THSD4: variants seen among roughly 807,000 people sequenced by gnomAD.
THSD4 encodes thrombospondin type-1 domain-containing protein 4.
THSD4 carries 69 observed loss-of-function variants against 119.0 expected under a neutral mutation model. The ratio of observed to expected loss-of-function variants is 0.58; its 90% confidence interval spans 0.48 to 0.71. The LOEUF (loss-of-function observed/expected upper bound fraction) is 0.71, where lower values mean the gene tolerates loss of function less well. Ranked by LOEUF, THSD4 falls within the 30% of genes least tolerant of loss-of-function variation. THSD4 has a pLI of 0.00. For synonymous variants in THSD4, 524 were observed against 540.4 expected (o/e 0.97, Z 0.42); for missense variants, 1,393 against 1,391.1 (o/e 1.00, Z -0.02).
At chr15:71,496,310 T>C (rs1266346710) in intron 7 of THSD4, among the ~76,000 whole-genome samples, 11 of 152,242 alleles carry the variant, frequency 7.2e-5, no homozygotes. Context: ...GGATGAATTA[T>C]TATGTTACTG....
chr15:71,114,924 C>T (rs912309207), upstream of THSD4: 6 of 152,270 alleles, frequency 3.9e-5, no homozygotes, highest in East Asian at 3.9e-4. Context: ...CGCGTCCTAC[C>T]TTGCGTGGGA....
intron 6 of THSD4, among the ~76,000 whole-genome samples, chr15:71,326,692 AAAAAAAAAATAT>A (rs1301109676): frequency 1.3e-3 from 17 of 13,522 alleles, no homozygotes; most frequent in Non-Finnish European, 1.7e-3. Context: ...AAAAAAAAAA[AAAAAAAAAATAT>A]ATATATATAT....
At chr15:71,529,709 C>T (rs1260952158) in intron 7 of THSD4, among the ~76,000 whole-genome samples, 3 of 152,190 alleles carry the variant, frequency 2.0e-5, no homozygotes, top group East Asian at 3.8e-4. Flanking sequence ...ATTTGTCTAA[C>T]GTATCCTATA....
At chr15:71,509,535 A>G (rs527848091) in intron 7 of THSD4, among the ~76,000 whole-genome samples, 19 of 152,378 alleles carry the variant, frequency 1.2e-4, no homozygotes, top group Admixed American at 1.2e-3. Flanking sequence ...ACAATGGTAG[A>G]TGAGCAGCAA....
At chr15:71,517,757 A>G (rs2048381347) in intron 7 of THSD4, among the ~76,000 whole-genome samples, 1 of 152,350 alleles carries the variant, frequency 6.6e-6, no homozygotes. Context: ...TTAAAGAACA[A>G]GAGAATTTTT....
chr15:71,619,531 A>G (rs888850531), intron 7 of THSD4, among the ~76,000 whole-genome samples: 1 of 152,320 alleles, frequency 6.6e-6, no homozygotes, highest in Non-Finnish European at 1.5e-5. Context: ...CTAAGATTCC[A>G]TAAATCCTTG....
chr15:71,511,992 C>G (rs1183900726), intron 7 of THSD4, among the ~76,000 whole-genome samples: 1 of 152,160 alleles, frequency 6.6e-6, no homozygotes, highest in African/African-American at 2.4e-5. Flanking sequence ...CTGTTTGGGC[C>G]ATCTAGGCAA....
At chr15:71,738,360 G>A in intron 11 of THSD4, 1 of 222,548 alleles carries the variant, frequency 4.5e-6, no homozygotes, top group Non-Finnish European at 8.9e-6. Context: ...ATGGACTGGT[G>A]TCGATTGGGG....
chr15:71,396,679 C>A (rs1363460338), intron 6 of THSD4, among the ~76,000 whole-genome samples: 1 of 152,202 alleles, frequency 6.6e-6, no homozygotes, highest in Non-Finnish European at 1.5e-5. Flanking sequence ...TGTCAAGCCG[C>A]TTTCTTGACA....
intron 17 of THSD4, among the ~76,000 whole-genome samples, chr15:71,776,846 G>A (rs1324469566): frequency 6.6e-6 from 1 of 152,196 alleles, no homozygotes; most frequent in Admixed American, 6.5e-5. Flanking sequence ...TTGCCAAGGA[G>A]CTTATACAGT....
At chr15:71,537,456 C>T (rs1039477907) in intron 7 of THSD4, among the ~76,000 whole-genome samples, 4 of 152,154 alleles carry the variant, frequency 2.6e-5, no homozygotes, top group South Asian at 4.1e-4. Context: ...AGCCATACCC[C>T]CTTCCTCTCA....
At chr15:71,491,034 G>A (rs2047911034) in intron 7 of THSD4, among the ~76,000 whole-genome samples, 1 of 152,126 alleles carries the variant, frequency 6.6e-6, no homozygotes, top group Non-Finnish European at 1.5e-5. Context: ...TCATTTTTGT[G>A]TGCATGTATG....
chr15:71,261,415 A>G (rs2044397932), intron 6 of THSD4, among the ~76,000 whole-genome samples: 1 of 152,156 alleles, frequency 6.6e-6, no homozygotes, highest in Non-Finnish European at 1.5e-5. Context: ...TCTGGCCTCC[A>G]GAACTGTGAG....
chr15:71,752,429 C>T (rs1464578410), intron 14 of THSD4, among the ~76,000 whole-genome samples: 2 of 152,154 alleles, frequency 1.3e-5, no homozygotes, highest in Non-Finnish European at 2.9e-5. Flanking sequence ...GGAACTCTTT[C>T]GTTCGTTTTG....
At chr15:71,690,133 G>A (rs2052015365) in intron 8 of THSD4, among the ~76,000 whole-genome samples, 1 of 152,238 alleles carries the variant, frequency 6.6e-6, no homozygotes, top group Admixed American at 6.5e-5. Context: ...TTCAGCCAGA[G>A]TGATCTTTGC....
At chr15:71,576,049 G>A (rs538376749) in intron 7 of THSD4, among the ~76,000 whole-genome samples, 3 of 151,570 alleles carry the variant, frequency 2.0e-5, no homozygotes, top group African/African-American at 7.3e-5. Context: ...CAGTTTTTTG[G>A]TATTAAAATG....
chr15:71,516,766 A>G (rs1228535330), intron 7 of THSD4, among the ~76,000 whole-genome samples: 1 of 152,226 alleles, frequency 6.6e-6, no homozygotes, highest in Non-Finnish European at 1.5e-5. Context: ...TACCAGTTAT[A>G]GTTTTCTAAT....
chr15:71,323,399 A>G (rs976944110), intron 6 of THSD4, among the ~76,000 whole-genome samples: 14 of 152,232 alleles, frequency 9.2e-5, no homozygotes, highest in East Asian at 5.8e-4. Context: ...CAGCTTAGAA[A>G]AGGAGAAAGA....
chr15:71,410,339 G>A (rs193243751), intron 6 of THSD4, among the ~76,000 whole-genome samples: 2 of 152,242 alleles, frequency 1.3e-5, no homozygotes, highest in African/African-American at 4.8e-5. Flanking sequence ...AATAGAGGAG[G>A]CCACATCAAC....
Sources: gnomAD v4.1 joint callset for allele counts (sites outside exome capture counted in the v4.1 genomes callset) on GRCh38, gnomAD v4.1.1 for gene constraint, MANE v1.5 for transcripts, NCBI Gene and HGNC (gene_info 2026-07-23, HGNC 2026-07-21) for gene names.